Variants in EIF4H observed in about 807,000 individuals in gnomAD.
EIF4H encodes Williams-Beuren syndrome chromosome region 1.
Under a neutral mutation model 30.6 loss-of-function variants are expected in EIF4H, and 8 were observed. The observed-to-expected ratio is 0.26, with a 90% CI of 0.15 to 0.47. EIF4H has a LOEUF of 0.47. Among genes scored for constraint, EIF4H ranks in the 20% least tolerant of loss-of-function variants. The probability of loss-of-function intolerance (pLI) is 0.99; values close to 1 mark genes in which losing one functional copy is unlikely to be tolerated. For missense variants in EIF4H, 188 were observed against 339.5 expected, an observed-to-expected ratio of 0.55 and a Z score of 3.51; for synonymous variants, 106 against 122.7, an observed-to-expected ratio of 0.86 and a Z score of 0.90.
At position 74,195,387 on chromosome 7, in the gene EIF4H, C is replaced by T; in HGVS notation, c.*79C>T. On this transcript the variant is annotated 3_prime_UTR_variant, in exon 7 of 7. Transcript: ENST00000265753. The stretch of plus-strand genomic sequence containing the variant: ...GGTGAGTCCCCGGGCAGCCGTCCTG[C>T]AGCCGCCACTCCTGCGCCTGCCATT... 1 of 1,434,372 alleles carries T rather than the reference C, an allele frequency of 7.0e-7. No individual in the cohort carries two copies. Among genetic ancestry groups the T allele is most frequent in the Non-Finnish European group, 9.3e-7 (1 of 1,080,444 alleles). The allele number at this position is 1,434,372 out of a possible 1,614,324, so 88.9% of individuals were successfully genotyped here. A position where few individuals can be genotyped will look rare whatever the true frequency, so the allele number is the denominator to read the frequency against.
intron 1 of EIF4H, among the ~76,000 whole-genome samples, chr7:74,185,796 G>T (rs1554709092): frequency 6.6e-6 from 1 of 151,968 alleles, no homozygotes; most frequent in African/African-American, 2.4e-5. Flanking sequence ...CAGGTCTTGG[G>T]TTGTTGTGAA....
At chr7:74,189,968 A>G (rs374372611) in intron 4 of EIF4H, 50 bp downstream of exon 4, 4 of 1,591,026 alleles carry the variant, frequency 2.5e-6, no homozygotes, top group Non-Finnish European at 3.4e-6. Flanking sequence ...CAGTATGCCT[A>G]CCAATTCCAA....
At position 74,194,893 on chromosome 7, in the gene EIF4H, G is replaced by C. The variant is rs782819730; in HGVS notation, c.607+15G>C. On this transcript the variant is annotated intron_variant, in intron 6 of 6. Coordinates refer to ENST00000265753, the MANE Select transcript of EIF4H (RefSeq NM_022170.2). ...ACCCACAGAAGGTACGGGCTCATGTGTCAGTGGAGGGCATCTTGTCCTGAT... is the reference window on the plus strand; with the variant it reads ...ACCCACAGAAGGTACGGGCTCATGTCTCAGTGGAGGGCATCTTGTCCTGAT... The C allele has an allele frequency of 6.3e-7, 1 of 1,578,386 alleles. No homozygotes were observed. The highest frequency in any genetic ancestry group is 8.7e-7 in the Non-Finnish European group (1 of 1,154,248).
chr7:74,181,860 G>A (rs1048291062), intron 1 of EIF4H, among the ~76,000 whole-genome samples: 17 of 152,006 alleles, frequency 1.1e-4, no homozygotes, highest in Non-Finnish European at 1.8e-4. Context: ...GGGATTACAG[G>A]CACCTGCCAC....
At chr7:74,190,149 C>A in intron 4 of EIF4H, 98 bp from the exon 5 acceptor site, 1 of 1,264,804 alleles carries the variant, frequency 7.9e-7, no homozygotes, top group Non-Finnish European at 1.1e-6. Context: ...ATTGAACCTT[C>A]CATCACTTGA....
At chr7:74,186,263 G>T (rs551845492) in intron 1 of EIF4H, among the ~76,000 whole-genome samples, 1 of 146,804 alleles carries the variant, frequency 6.8e-6, no homozygotes, top group African/African-American at 2.5e-5. Flanking sequence ...TCGCTCTGTC[G>T]CCCAGGCTGG....
chr7:74,179,079 G>A (rs1293403586), intron 1 of EIF4H, among the ~76,000 whole-genome samples: 2 of 152,112 alleles, frequency 1.3e-5, no homozygotes, highest in Admixed American at 6.5e-5. Flanking sequence ...CCTTCTAAAT[G>A]TCTGGCTTAA....
rs782667557 is a variant in EIF4H, at chr7:74,195,360, C to CT, written c.*53dup. On this transcript the variant is annotated 3_prime_UTR_variant, in exon 7 of 7. Transcript: ENST00000265753. ...TGGGGGGTTAGAGCAGGACCACAGC[C>CT]TGGTGAGTCCCCGGGCAGCCGTCCT... is the stretch of plus-strand genomic sequence containing the variant. The CT allele has an allele frequency of 2.6e-6, 4 of 1,529,048 alleles. No homozygotes were observed. Among genetic ancestry groups the CT allele is most frequent in the Non-Finnish European group, 2.6e-6 (3 of 1,136,162 alleles). 94.7% of individuals were successfully genotyped at this position (1,529,048 alleles called of 1,614,324 possible).
chr7:74,191,594 A>G (rs991488378), intron 5 of EIF4H, among the ~76,000 whole-genome samples: 1 of 152,076 alleles, frequency 6.6e-6, no homozygotes. Flanking sequence ...TTACTTTTTA[A>G]TAGGATGGTG....
In EIF4H at chr7:74,189,852, A is replaced by G. The variant is rs1554709653; in HGVS notation, c.343A>G (p.Ile115Val). 2.5e-6 allele frequency: 4 copies of G among 1,614,088 alleles called. No individual in the cohort carries two copies. The African/African-American group carries it at 4.0e-5, about 16-fold the overall frequency. The change falls in exon 4 of 7, where the codon ATT (isoleucine) becomes GTT (valine). Residue 115 changes from isoleucine to valine, a missense_variant. Transcript: ENST00000265753. ...GGGCGATCGGTCACTTCGTGTGGAC[A>G]TTGCAGAAGGCAGAAAACAAGATAA... ...LLGDRSLRVDIAEGRKQDKGG... is the reference protein window; with the variant it reads ...LLGDRSLRVDVAEGRKQDKGG...
chr7:74,186,788 A>ATTTTTTTTT (rs564794579), intron 1 of EIF4H, among the ~76,000 whole-genome samples: 12 of 70,114 alleles, frequency 1.7e-4, no homozygotes, highest in East Asian at 4.5e-4. Context: ...ACAAGGAGAA[A>ATTTTTTTTT]TTTTTTTTTT....
chr7:74,186,874 A>AGTG (rs1801095730), intron 1 of EIF4H, among the ~76,000 whole-genome samples: 1 of 120,890 alleles, frequency 8.3e-6, no homozygotes, highest in Admixed American at 1.1e-4. Context: ...GCTGAAGTGC[A>AGTG]GTGGTGCGAT....
At chr7:74,193,321 C>T (rs1473563536) in intron 5 of EIF4H, among the ~76,000 whole-genome samples, 3 of 152,176 alleles carry the variant, frequency 2.0e-5, no homozygotes, top group African/African-American at 7.2e-5. Context: ...CAGCTGGGAT[C>T]GTCGCATCTG....
At position 74,195,475 on chromosome 7, in the gene EIF4H, G is replaced by A; in HGVS notation, c.*167G>A. On this transcript the variant is annotated 3_prime_UTR_variant, in exon 7 of 7. Coordinates refer to ENST00000265753, the MANE Select transcript of EIF4H (RefSeq NM_022170.2). ...GTCAGCTGTTAACAAGTGGTTTTTA[G>A]TACATTCTGGGCTTTGCTGTATCTA... 1.4e-6 allele frequency: 1 copy of A among 734,998 alleles called. No homozygotes were observed. Among genetic ancestry groups the A allele is most frequent in the Admixed American group, 3.1e-5 (1 of 32,432 alleles). 45.5% of individuals were successfully genotyped at this position (734,998 alleles called of 1,614,324 possible).
chr7:74,174,575 T>A, intron 1 of EIF4H, 133 bp downstream of exon 1: 1 of 852,150 alleles, frequency 1.2e-6, no homozygotes, highest in Non-Finnish European at 1.5e-6. Flanking sequence ...GAGCGGCGCC[T>A]GGAGGGCCGG....
chr7:74,176,368 G>A (rs1172571872), intron 1 of EIF4H, among the ~76,000 whole-genome samples: 1 of 151,826 alleles, frequency 6.6e-6, no homozygotes, highest in African/African-American at 2.4e-5. Flanking sequence ...CTCCCAAAGT[G>A]CTGGGATTAC....
In EIF4H at chr7:74,195,391, C is replaced by T. The variant is rs575358681; in HGVS notation, c.*83C>T. On this transcript the variant is annotated 3_prime_UTR_variant, in exon 7 of 7. Coordinates refer to ENST00000265753, the MANE Select transcript of EIF4H (RefSeq NM_022170.2). The stretch of plus-strand genomic sequence containing the variant: ...AGTCCCCGGGCAGCCGTCCTGCAGC[C>T]GCCACTCCTGCGCCTGCCATTGGCC... 42 of 1,454,602 alleles carry T rather than the reference C, an allele frequency of 2.9e-5. No individual in the cohort carries two copies. The highest frequency in any genetic ancestry group is 9.8e-5 in the South Asian group (7 of 71,712). 90.1% of individuals were successfully genotyped at this position (1,454,602 alleles called of 1,614,324 possible).
In EIF4H at chr7:74,196,934, G is replaced by T. The variant is rs542846380; in HGVS notation, c.*1626G>T. 6.6e-6 allele frequency: 1 copy of T among 152,670 alleles called. No homozygotes were observed. The highest frequency in any genetic ancestry group is 2.1e-4 in the South Asian group (1 of 4,824). 9.5% of individuals were successfully genotyped at this position (152,670 alleles called of 1,614,324 possible). Reference sequence around the variant, plus strand: ...ACATCTTCAATGTGGATAAGATAAAGAACAAAACACATGCATCTAAACTGC... The same window carrying T: ...ACATCTTCAATGTGGATAAGATAAATAACAAAACACATGCATCTAAACTGC... On this transcript the variant is annotated 3_prime_UTR_variant, in exon 7 of 7. Transcript: ENST00000265753.
chr7:74,194,059 A>G (rs182800926), intron 5 of EIF4H, among the ~76,000 whole-genome samples: 4 of 152,374 alleles, frequency 2.6e-5, no homozygotes, highest in African/African-American at 4.8e-5. Context: ...ACTTCTGCCA[A>G]GAGCCCACTT....
Sources: allele counts gnomAD v4.1 joint callset (sites outside exome capture counted in the v4.1 genomes callset), GRCh38; gene constraint gnomAD v4.1.1; transcripts MANE v1.5; gene names NCBI Gene and HGNC (gene_info 2026-07-23, HGNC 2026-07-21).